Variants in PDE1A observed in about 807,000 individuals in gnomAD.
PDE1A encodes the protein dual specificity calcium/calmodulin-dependent 3',5'-cyclic nucleotide phosphodiesterase 1A.
A neutral mutation model predicts 61.7 loss-of-function variants in PDE1A; 35 were observed. The observed-to-expected ratio is 0.57, with a 90% CI of 0.43 to 0.75. The LOEUF is 0.75. Ranked by LOEUF, PDE1A falls within the 30% of genes least tolerant of loss-of-function variation. PDE1A has a pLI of 0.00. For synonymous variants in PDE1A, 232 were observed against 213.2 expected (o/e 1.09, Z -0.77); for missense variants, 597 against 630.6 (o/e 0.95, Z 0.57).
At chr2:182,212,828 G>C (rs1360178427) in intron 7 of PDE1A, among the ~76,000 whole-genome samples, 17 of 152,332 alleles carry the variant, frequency 1.1e-4, no homozygotes, top group South Asian at 2.1e-4. Flanking sequence ...AAGGCGGCAG[G>C]GAGGCCAGGG....
chr2:182,356,946 C>T (rs894313963), intron 1 of PDE1A, among the ~76,000 whole-genome samples: 1 of 152,036 alleles, frequency 6.6e-6, no homozygotes, highest in African/African-American at 2.4e-5. Context: ...AAACCAAACA[C>T]AGCATGTTCT....
the PDE1A span, among the ~76,000 whole-genome samples, chr2:182,649,099 C>T: frequency 6.6e-6 from 1 of 152,208 alleles, no homozygotes; most frequent in East Asian, 1.9e-4. Flanking sequence ...GCCTAGAATA[C>T]ATCTGAAACT....
intron 2 of PDE1A, among the ~76,000 whole-genome samples, chr2:182,493,464 A>T (rs1048575136): frequency 6.6e-6 from 1 of 152,098 alleles, no homozygotes; most frequent in South Asian, 2.1e-4. Context: ...CCGGTGTGTG[A>T]TGTTCCCCTT....
chr2:182,152,719 C>A (rs535118021), intron 13 of PDE1A, among the ~76,000 whole-genome samples: 2 of 152,212 alleles, frequency 1.3e-5, no homozygotes, highest in South Asian at 4.1e-4. Context: ...CTGTGCCCAG[C>A]CTATTTTTTT....
At chr2:182,428,479 A>G (rs1217166083), upstream of PDE1A, among the ~76,000 whole-genome samples, 1 of 152,136 alleles carries the variant, frequency 6.6e-6, no homozygotes, top group Non-Finnish European at 1.5e-5. Context: ...TATAGATATT[A>G]CATAGTTATG....
At position 182,283,393 on chromosome 2, in the gene PDE1A, G is replaced by A. The variant is rs575789391; in HGVS notation, c.54-18979C>T. Among the ~76,000 whole-genome samples, 60 of 150,528 alleles carry A rather than the reference G, an allele frequency of 4.0e-4. 2 individuals carry two copies. Among genetic ancestry groups the A allele is most frequent in the Non-Finnish European group, 3.0e-5 (2 of 67,494 alleles). ...ATGAGAACATGGTTTTGGTATAAAG[G>A]GTACCTGAGTTACACACACACACAC... On this transcript the variant is annotated intron_variant, in intron 1 of 13. Coordinates refer to ENST00000351439, the Ensembl canonical transcript of PDE1A.
chr2:182,625,383 A>G, the PDE1A span, among the ~76,000 whole-genome samples: 1 of 152,206 alleles, frequency 6.6e-6, no homozygotes, highest in Non-Finnish European at 1.5e-5. Flanking sequence ...ACGGGTACAG[A>G]GATTGGAGAA....
the PDE1A span, among the ~76,000 whole-genome samples, chr2:182,704,430 T>C: frequency 5.9e-5 from 9 of 151,984 alleles, no homozygotes; most frequent in South Asian, 2.1e-4. Context: ...GAACTAAAAA[T>C]AGAGTTAAGG....
chr2:182,276,972 C>G (rs191517269), intron 1 of PDE1A, among the ~76,000 whole-genome samples: 34 of 152,122 alleles, frequency 2.2e-4, no homozygotes, highest in Admixed American at 2.2e-3. Context: ...CAGACCAGTT[C>G]TCTGCTCTCG....
chr2:182,543,510 A>G, the PDE1A span, among the ~76,000 whole-genome samples: 2 of 152,204 alleles, frequency 1.3e-5, no homozygotes, highest in Non-Finnish European at 2.9e-5. Flanking sequence ...ACATCAAACT[A>G]TAAAAGGAAC....
intron 2 of PDE1A, among the ~76,000 whole-genome samples, chr2:182,486,272 CAATAAT>C (rs1468519236): frequency 6.6e-6 from 1 of 151,812 alleles, no homozygotes; most frequent in African/African-American, 2.4e-5. Context: ...TGTACACTGA[CAATAAT>C]AAAATATTAC....
the PDE1A span, among the ~76,000 whole-genome samples, chr2:182,696,091 T>C: frequency 6.6e-6 from 1 of 152,178 alleles, no homozygotes; most frequent in South Asian, 2.1e-4. Context: ...TGTCATAAGA[T>C]CCAGCAATTG....
intron 1 of PDE1A, among the ~76,000 whole-genome samples, chr2:182,355,940 T>C (rs1302972164): frequency 6.6e-6 from 1 of 152,204 alleles, no homozygotes; most frequent in Non-Finnish European, 1.5e-5. Context: ...CGTTTGCTTA[T>C]AATTTTTGAG....
chr2:182,236,120 G>A (rs548493596), intron 3 of PDE1A, among the ~76,000 whole-genome samples: 2 of 152,194 alleles, frequency 1.3e-5, no homozygotes, highest in South Asian at 2.1e-4. Flanking sequence ...TCCACTTTAC[G>A]TTTATTTTAA....
At chr2:182,532,945 C>CAAAAAAAAAAAAAAAAAA in the PDE1A span, among the ~76,000 whole-genome samples, 2 of 21,178 alleles carry the variant, frequency 9.4e-5, 1 homozygote, top group Non-Finnish European at 1.6e-4. Flanking sequence ...GACTCCGTCT[C>CAAAAAAAAAAAAAAAAAA]AAAAAAAAAA....
intron 2 of PDE1A, among the ~76,000 whole-genome samples, chr2:182,439,022 T>G (rs929080632): frequency 1.3e-5 from 2 of 151,938 alleles, no homozygotes; most frequent in African/African-American, 4.8e-5. Flanking sequence ...TCAAGAGATA[T>G]TAACTGGGAT....
the PDE1A span, among the ~76,000 whole-genome samples, chr2:182,530,046 T>C: frequency 1.3e-5 from 2 of 152,146 alleles, no homozygotes; most frequent in South Asian, 4.1e-4. Flanking sequence ...GATTCCAGAA[T>C]CAGTGGAAAA....
At chr2:182,229,030 G>T (rs918917842) in intron 6 of PDE1A, among the ~76,000 whole-genome samples, 1 of 152,118 alleles carries the variant, frequency 6.6e-6, no homozygotes, top group Non-Finnish European at 1.5e-5. Context: ...TCCCATAACA[G>T]TCTTCCTTAT....
chr2:182,550,725 A>G, the PDE1A span, among the ~76,000 whole-genome samples: 2 of 151,968 alleles, frequency 1.3e-5, no homozygotes, highest in Non-Finnish European at 2.9e-5. Flanking sequence ...TAAAAGATCA[A>G]TGAGTGTGTT....
Sources: gnomAD v4.1 joint callset for allele counts (sites outside exome capture counted in the v4.1 genomes callset) on GRCh38, gnomAD v4.1.1 for gene constraint, MANE v1.5 for transcripts, NCBI Gene and HGNC (gene_info 2026-07-23, HGNC 2026-07-21) for gene names.